Variants in CERS3 observed in about 807,000 individuals in gnomAD.
CERS3 encodes ceramide synthase 3, also known as LAG1 homolog, ceramide synthase 3.
In CERS3, 33 loss-of-function variants were observed where a neutral mutation model predicts 50.3. The observed-to-expected ratio is 0.66, with a 90% CI of 0.50 to 0.88. CERS3 has a LOEUF of 0.88. Ranked by LOEUF, CERS3 falls within the 40% of genes least tolerant of loss-of-function variation. The pLI, the probability that CERS3 is intolerant of heterozygous loss-of-function variation, is 0.00. For missense variants in CERS3, 470 were observed against 460.3 expected (o/e 1.02, Z -0.19); for synonymous variants, 176 against 155.2 (o/e 1.13, Z -0.99).
chr15:100,409,356 A>T (rs1467559277), intron 11 of CERS3, among the ~76,000 whole-genome samples: 1 of 152,216 alleles, frequency 6.6e-6, no homozygotes, highest in Non-Finnish European at 1.5e-5. Context: ...TTGGCAACCT[A>T]TTCATGATTT....
chr15:100,469,475 T>C lies in CERS3; in HGVS notation c.748A>G (p.Met250Val). ...TGCGTCCATCCAGCATAAGAAAACA[T>C]CTTAGCAGACTGCAAAAAAGAAAGA... ...VADIWLESAKMFSYAGWTQTC... is the reference protein window; with the variant it reads ...VADIWLESAKVFSYAGWTQTC... Residue 250 changes from methionine (M) to valine (V), a missense_variant, in exon 10 of 12, where the codon ATG becomes GTG. By Grantham distance (21) the Met-to-Val change is conservative. Coordinates refer to ENST00000679737, the MANE Select transcript of CERS3 (RefSeq NM_001378789.1). 5 of 1,610,348 alleles carry C rather than the reference T, an allele frequency of 3.1e-6. No homozygotes were observed. The highest frequency in any genetic ancestry group is 2.5e-6 in the Non-Finnish European group (3 of 1,178,126).
At chr15:100,467,939 C>A (rs558882996) in intron 10 of CERS3, among the ~76,000 whole-genome samples, 7 of 149,946 alleles carry the variant, frequency 4.7e-5, no homozygotes, top group South Asian at 2.1e-4. Context: ...CCAGGCTGAT[C>A]TAGAACTCCT....
chr15:100,478,633 G>A (rs1222820437), intron 7 of CERS3, among the ~76,000 whole-genome samples: 1 of 151,448 alleles, frequency 6.6e-6, no homozygotes, highest in Non-Finnish European at 1.5e-5. Context: ...TAGAACTGAT[G>A]AGATCTAGAA....
At chr15:100,535,779 G>A (rs539549491) in intron 1 of CERS3, among the ~76,000 whole-genome samples, 1,653 of 129,918 alleles carry the variant, frequency 0.013, 24 homozygotes, top group South Asian at 0.038. Flanking sequence ...ATATGTGCAC[G>A]GGAAGTGGGG....
intron 10 of CERS3, among the ~76,000 whole-genome samples, chr15:100,465,986 T>A (rs1187348120): frequency 6.6e-6 from 1 of 152,178 alleles, no homozygotes; most frequent in Non-Finnish European, 1.5e-5. Context: ...CAGTCAAGTC[T>A]GTTCATATTG....
intron 1 of CERS3, among the ~76,000 whole-genome samples, chr15:100,528,081 T>C (rs2036846100): frequency 6.6e-6 from 1 of 152,272 alleles, no homozygotes; most frequent in Non-Finnish European, 1.5e-5. Flanking sequence ...TAAAGCTTTA[T>C]TTCCCTTGTT....
intron 11 of CERS3, among the ~76,000 whole-genome samples, chr15:100,413,510 G>GCCTAT (rs750455137): frequency 6.7e-6 from 1 of 149,652 alleles, no homozygotes; most frequent in East Asian, 2.0e-4. Context: ...CACAACTGAC[G>GCCTAT]ACTATACTAT....
At chr15:100,465,194 C>T (rs138498370) in intron 10 of CERS3, among the ~76,000 whole-genome samples, 2,883 of 152,050 alleles carry the variant, frequency 0.019, 40 homozygotes, top group Middle Eastern at 0.082. Flanking sequence ...TGCAAACTGC[C>T]GCCCACAGTG....
At chr15:100,413,666 A>AGTT (rs2031663228) in intron 11 of CERS3, among the ~76,000 whole-genome samples, 1 of 152,068 alleles carries the variant, frequency 6.6e-6, no homozygotes, top group Admixed American at 6.6e-5. Context: ...TTGTAAAAAA[A>AGTT]GTTGGTGAGC....
At chr15:100,531,016 A>G (rs866685874), upstream of CERS3, among the ~76,000 whole-genome samples, 1 of 152,150 alleles carries the variant, frequency 6.6e-6, no homozygotes, top group African/African-American at 2.4e-5. Flanking sequence ...CCCAGGAGAC[A>G]GAGGTTACAA....
chr15:100,415,503 T>C (rs1428078308), intron 11 of CERS3, among the ~76,000 whole-genome samples: 2 of 152,212 alleles, frequency 1.3e-5, no homozygotes, highest in South Asian at 2.1e-4. Context: ...TGTATGTTTA[T>C]TGTAGCACTC....
At chr15:100,437,176 A>G (rs970462836) in intron 11 of CERS3, among the ~76,000 whole-genome samples, 3 of 151,876 alleles carry the variant, frequency 2.0e-5, no homozygotes, top group African/African-American at 7.3e-5. Context: ...TGATCTCCTG[A>G]CCTCGTGATC....
chr15:100,467,853 A>AC (rs1491218117), intron 10 of CERS3, among the ~76,000 whole-genome samples: 5 of 40,458 alleles, frequency 1.2e-4, no homozygotes, highest in African/African-American at 3.1e-4. Flanking sequence ...ATATATATAT[A>AC]GATAGATAGA....
intron 2 of CERS3, 62 bp from the exon 3 acceptor site, chr15:100,501,912 G>C: frequency 6.5e-7 from 1 of 1,546,650 alleles, no homozygotes; most frequent in Non-Finnish European, 8.9e-7. Flanking sequence ...GGATAACATT[G>C]ATCACCTTGG....
chr15:100,476,814 A>G (rs1405059861), intron 7 of CERS3, among the ~76,000 whole-genome samples: 1 of 152,198 alleles, frequency 6.6e-6, no homozygotes, highest in African/African-American at 2.4e-5. Flanking sequence ...TTGCCTTCTG[A>G]TATCTAAGCC....
chr15:100,463,656 A>G (rs1239430018), intron 10 of CERS3, among the ~76,000 whole-genome samples: 1 of 152,100 alleles, frequency 6.6e-6, no homozygotes, highest in African/African-American at 2.4e-5. Flanking sequence ...GAGACAGTGA[A>G]CACATGTGGT....
intron 11 of CERS3, among the ~76,000 whole-genome samples, chr15:100,454,970 A>G (rs2034312696): frequency 6.6e-6 from 1 of 152,222 alleles, no homozygotes; most frequent in Non-Finnish European, 1.5e-5. Context: ...TGGCCAACAG[A>G]CATGTGAAAA....
intron 1 of CERS3, among the ~76,000 whole-genome samples, chr15:100,538,581 C>T (rs2037128035): frequency 6.6e-6 from 1 of 152,236 alleles, no homozygotes; most frequent in African/African-American, 2.4e-5. Flanking sequence ...ATGTTGGTCC[C>T]TTTTAACCAT....
At chr15:100,488,833 G>C (rs1016584030) in intron 4 of CERS3, among the ~76,000 whole-genome samples, 1 of 151,156 alleles carries the variant, frequency 6.6e-6, no homozygotes, top group East Asian at 1.9e-4. Flanking sequence ...CTGGACTGTG[G>C]TGGCGCAATC....
Sources: gnomAD v4.1 joint callset for allele counts (sites outside exome capture counted in the v4.1 genomes callset) on GRCh38, gnomAD v4.1.1 for gene constraint, MANE v1.5 for transcripts, NCBI Gene and HGNC (gene_info 2026-07-23, HGNC 2026-07-21) for gene names.